The following KIRREL3 variants were observed in gnomAD, a reference collection of about 807,000 sequenced individuals.
The protein encoded by KIRREL3 is kin of IRRE-like protein 3.
In KIRREL3, 36 loss-of-function variants were observed where a neutral mutation model predicts 89.7. That is an observed-to-expected ratio of 0.40 (90% CI 0.31 to 0.53). The LOEUF is 0.53. KIRREL3 is among the 20% of genes least tolerant of loss of function. The probability of loss-of-function intolerance (pLI) is 0.49; values close to 1 mark genes in which losing one functional copy is unlikely to be tolerated. For missense variants in KIRREL3, 864 were observed against 1,056.6 expected (o/e 0.82, Z 2.53); for synonymous variants, 445 against 441.4 (o/e 1.01, Z -0.10).
chr11:126,949,851 A>G (rs1472861050), intron 1 of KIRREL3, among the ~76,000 whole-genome samples: 1 of 152,214 alleles, frequency 6.6e-6, no homozygotes, highest in African/African-American at 2.4e-5. Context: ...TGCATACACA[A>G]CACAGCCCTT....
At chr11:126,673,487 A>AT (rs377256657) in intron 1 of KIRREL3, among the ~76,000 whole-genome samples, 1 of 152,290 alleles carries the variant, frequency 6.6e-6, no homozygotes, top group Non-Finnish European at 1.5e-5. Context: ...ATTTATGCTG[A>AT]TTTTCAGGAC....
intron 1 of KIRREL3, among the ~76,000 whole-genome samples, chr11:126,895,877 C>T (rs1946138253): frequency 6.6e-6 from 1 of 152,156 alleles, no homozygotes; most frequent in South Asian, 2.1e-4. Flanking sequence ...TGCCTCAGAC[C>T]CTAGGCAATA....
intron 1 of KIRREL3, among the ~76,000 whole-genome samples, chr11:126,730,395 C>T (rs1948568683): frequency 6.6e-6 from 1 of 152,252 alleles, no homozygotes; most frequent in Non-Finnish European, 1.5e-5. Flanking sequence ...CCCTATACGT[C>T]TGGTCAATCA....
intron 1 of KIRREL3, among the ~76,000 whole-genome samples, chr11:126,700,193 CAAA>C (rs10572797): frequency 1.0e-3 from 151 of 143,938 alleles, no homozygotes; most frequent in Middle Eastern, 7.0e-3. Context: ...GACTTTGTCA[CAAA>C]AAAAAAAAAA....
At position 126,755,558 on chromosome 11, in the gene KIRREL3, CAAAAG is replaced by C. The variant is rs1949465241; in HGVS notation, c.56-192651_56-192647del. Among the ~76,000 whole-genome samples, 1 of 152,014 alleles carries C rather than the reference CAAAAG, an allele frequency of 6.6e-6. No individual in the cohort carries two copies. Among genetic ancestry groups the C allele is most frequent in the South Asian group, 2.1e-4 (1 of 4,816 alleles). On this transcript the variant is annotated intron_variant, in intron 1 of 16. Coordinates refer to ENST00000525144, the MANE Select transcript of KIRREL3 (RefSeq NM_032531.4). This position sits in a 1 kb window ranked among gnomAD's most constrained non-coding sequence, Gnocchi z 4.3. ...AAGTAAAAAAACAAAACAACAACAA[CAAAAG>C]AAAAAACAGAAAAAAACAATAGGCC...
chr11:126,508,435 G>A lies in KIRREL3; in HGVS notation c.433+12880C>T, dbSNP rs1591650723. On this transcript the variant is annotated intron_variant, in intron 4 of 16. Coordinates refer to ENST00000525144, the MANE Select transcript of KIRREL3 (RefSeq NM_032531.4). This position sits in a 1 kb window ranked among gnomAD's most constrained non-coding sequence, Gnocchi z 4.9. Reference sequence around the variant, plus strand: ...GCAAATGAATGCTGCGGGTCTCGGGGCTCCCCAGGTCCATCTGAGGAGGAG... The same window carrying A: ...GCAAATGAATGCTGCGGGTCTCGGGACTCCCCAGGTCCATCTGAGGAGGAG... Among the ~76,000 whole-genome samples the A allele has an allele frequency of 6.6e-6, 1 of 152,146 alleles. No homozygotes were observed. The highest frequency in any genetic ancestry group is 2.4e-5 in the African/African-American group (1 of 41,434).
At chr11:126,442,190 GGTGGAGGTTGCAGTGA>G (rs1277313352) in intron 10 of KIRREL3, among the ~76,000 whole-genome samples, 1 of 148,830 alleles carries the variant, frequency 6.7e-6, no homozygotes, top group Non-Finnish European at 1.5e-5. Flanking sequence ...GAACCTGGGA[GGTGGAGGTTGCAGTGA>G]GCCGAGATTG....
chr11:126,494,779 G>A (rs750112061), intron 4 of KIRREL3, among the ~76,000 whole-genome samples: 7 of 152,184 alleles, frequency 4.6e-5, no homozygotes, highest in African/African-American at 1.2e-4. Flanking sequence ...GTTTTGGGGC[G>A]GTGAGCGCTA....
rs58487878 is a variant in KIRREL3, at chr11:126,697,077, C to T, written c.56-134165G>A. Among the ~76,000 whole-genome samples the T allele has an allele frequency of 8.2e-4, 125 of 152,316 alleles. No homozygotes were observed. The highest frequency in any genetic ancestry group is 2.1e-3 in the African/African-American group (89 of 41,584). On this transcript the variant is annotated intron_variant, in intron 1 of 16. Transcript: ENST00000525144. The surrounding 1 kb of genome is among the most constrained non-coding windows in gnomAD (Gnocchi z 4.2). ...CTTTCGCTCAGGGTGCTCTGCCCTG[C>T]GACTCAGCCTCCTTCGGGCTGCGGC...
Position 126,872,980 on chromosome 11 carries a change from C to T in KIRREL3, c.55+127475G>A, listed in dbSNP as rs1945156976. ...GATGGAAAATTAAAGCAGCCTGCTC[C>T]CTCAATGGTTATACATTCTGGCACA... On this transcript the variant is annotated intron_variant, in intron 1 of 16. Coordinates refer to ENST00000525144, the MANE Select transcript of KIRREL3 (RefSeq NM_032531.4). The surrounding 1 kb of genome is among the most constrained non-coding windows in gnomAD (Gnocchi z 4.2). Among the ~76,000 whole-genome samples the T allele has an allele frequency of 6.6e-6, 1 of 152,144 alleles. No homozygotes were observed. The highest frequency in any genetic ancestry group is 2.4e-5 in the African/African-American group (1 of 41,426).
intron 1 of KIRREL3, among the ~76,000 whole-genome samples, chr11:126,595,108 C>T (rs1591793852): frequency 6.6e-6 from 1 of 152,374 alleles, no homozygotes. Context: ...GGGCTGTCAG[C>T]CCGGCTGAGA....
At chr11:126,749,905 C>T (rs368324172) in intron 1 of KIRREL3, among the ~76,000 whole-genome samples, 1 of 152,124 alleles carries the variant, frequency 6.6e-6, no homozygotes, top group Non-Finnish European at 1.5e-5. Context: ...GTGTGGAGAC[C>T]GAATCAGGGC....
intron 1 of KIRREL3, among the ~76,000 whole-genome samples, chr11:126,762,493 C>T (rs532467220): frequency 3.3e-5 from 5 of 152,298 alleles, no homozygotes; most frequent in South Asian, 2.1e-4. Flanking sequence ...CCTCCCTTGC[C>T]GCTATGTGAT....
rs1958767323 is a variant in KIRREL3, at chr11:126,526,675, G to T, written c.146C>A (p.Ser49Tyr). 1.9e-6 allele frequency: 3 copies of T among 1,565,278 alleles called. No homozygotes were observed. The African/African-American group carries it at 4.1e-5, about 21-fold the overall frequency. ...CTGGTCCTGGGGCTGCTGGCTGAAG[G>T]AATAGACTTGGCCTGGGAAGGAGAC... ...FRRMNEGQVY[S>Y]FSQQPQDQVV... Residue 49 changes from serine (S) to tyrosine (Y), a missense_variant, in exon 3 of 17, where the codon TCC (serine) becomes TAC (tyrosine). Ser to Tyr is a moderately radical substitution (Grantham distance 144). Transcript: ENST00000525144. This position sits in a 1 kb window ranked among gnomAD's most constrained non-coding sequence, Gnocchi z 5.7.
Position 126,605,906 on chromosome 11 carries a change from G to T in KIRREL3, c.56-42994C>A, listed in dbSNP as rs564847277. Among the ~76,000 whole-genome samples the T allele has an allele frequency of 2.6e-5, 4 of 152,348 alleles. No homozygotes were observed. Among genetic ancestry groups the T allele is most frequent in the East Asian group, 3.9e-4 (2 of 5,182 alleles). ...ACAAAGGGCAGAAGGGAACCTTGGA[G>T]GTTCCTCCTGTTCATTCTCTGCCTC... On this transcript the variant is annotated intron_variant, in intron 1 of 16. Coordinates refer to ENST00000525144, the MANE Select transcript of KIRREL3 (RefSeq NM_032531.4). This position sits in a 1 kb window ranked among gnomAD's most constrained non-coding sequence, Gnocchi z 5.7.
intron 1 of KIRREL3, among the ~76,000 whole-genome samples, chr11:126,866,649 GC>G (rs144235119): frequency 6.7e-6 from 1 of 150,184 alleles, no homozygotes; most frequent in Non-Finnish European, 1.5e-5. Context: ...CCTCCTCACT[GC>G]CCCCCCACAC....
intron 1 of KIRREL3, among the ~76,000 whole-genome samples, chr11:126,852,432 T>C (rs775027195): frequency 2.6e-5 from 4 of 152,180 alleles, no homozygotes; most frequent in Non-Finnish European, 5.9e-5. Flanking sequence ...TTAAGCCCAT[T>C]TGCATAACAA....
intron 4 of KIRREL3, among the ~76,000 whole-genome samples, chr11:126,497,599 G>A (rs573346277): frequency 4.6e-5 from 7 of 152,348 alleles, no homozygotes; most frequent in Non-Finnish European, 8.8e-5. Context: ...CTCTCTGGAT[G>A]GAGATGCTCA....
intron 1 of KIRREL3, among the ~76,000 whole-genome samples, chr11:126,963,719 T>C (rs1237474405): frequency 6.6e-6 from 1 of 152,184 alleles, no homozygotes; most frequent in Non-Finnish European, 1.5e-5. Context: ...CCTACACTTA[T>C]GAAATGTGTT....
Sources: allele counts gnomAD v4.1 joint callset (sites outside exome capture counted in the v4.1 genomes callset), GRCh38; gene constraint gnomAD v4.1.1; non-coding constraint Gnocchi (gnomAD v3.1); transcripts MANE v1.5; gene names NCBI Gene and HGNC (gene_info 2026-07-23, HGNC 2026-07-21).